Variants in DTD1 observed in about 807,000 individuals in gnomAD.
DTD1 encodes D-tyrosyl-tRNA deacylase 1 homolog.
In DTD1, 13 loss-of-function variants were observed where a neutral mutation model predicts 25.6. The ratio of observed to expected loss-of-function variants is 0.51; its 90% CI spans 0.33 to 0.81. The LOEUF is 0.81. Ranked by LOEUF, DTD1 falls within the 30% of genes least tolerant of loss-of-function variation. DTD1 has a pLI of 0.02. For missense variants in DTD1, 193 were observed against 266.4 expected (o/e 0.72, Z 1.92); for synonymous variants, 110 against 103.6 (o/e 1.06, Z -0.37).
intron 4 of DTD1, among the ~76,000 whole-genome samples, chr20:18,647,990 T>C (rs2060856482): frequency 6.6e-6 from 1 of 152,186 alleles, no homozygotes; most frequent in Admixed American, 6.5e-5. Flanking sequence ...TGAAAAGATC[T>C]CTTCTGTTCC....
intron 5 of DTD1, among the ~76,000 whole-genome samples, chr20:18,761,230 C>T (rs1286965385): frequency 1.3e-5 from 2 of 152,112 alleles, no homozygotes; most frequent in Non-Finnish European, 2.9e-5. Flanking sequence ...AGCTACTGTC[C>T]TGCATCCACT....
intron 4 of DTD1, among the ~76,000 whole-genome samples, chr20:18,682,265 C>G (rs1357532688): frequency 6.6e-6 from 1 of 152,186 alleles, no homozygotes; most frequent in African/African-American, 2.4e-5. Flanking sequence ...TCCATCAGGC[C>G]ACTACTCTGA....
chr20:18,676,340 G>A (rs1264139969), intron 4 of DTD1, among the ~76,000 whole-genome samples: 2 of 152,060 alleles, frequency 1.3e-5, no homozygotes, highest in East Asian at 3.8e-4. Flanking sequence ...CAATTTGGTA[G>A]AATAAAAAAA....
At chr20:18,678,913 A>G (rs899750709) in intron 4 of DTD1, 1 of 150,806 alleles carries the variant, frequency 6.6e-6, no homozygotes, top group Non-Finnish European at 1.5e-5. Flanking sequence ...CCTTCTCCTC[A>G]CTCTTCTGGG....
intron 4 of DTD1, among the ~76,000 whole-genome samples, chr20:18,655,757 CTTTTTCTT>C (rs1453057152): frequency 6.6e-6 from 1 of 152,064 alleles, no homozygotes; most frequent in African/African-American, 2.4e-5. Flanking sequence ...CATTTGTTTT[CTTTTTCTT>C]TTTTTCTTTT....
intron 4 of DTD1, among the ~76,000 whole-genome samples, chr20:18,739,016 A>C (rs112904744): frequency 1.3e-5 from 2 of 151,176 alleles, no homozygotes; most frequent in Admixed American, 6.6e-5. Flanking sequence ...CCTTAGGTGG[A>C]GCTTGTCCTC....
chr20:18,617,725 C>A (rs2060714549), intron 3 of DTD1, among the ~76,000 whole-genome samples: 1 of 150,844 alleles, frequency 6.6e-6, no homozygotes. Context: ...ATCCATCTAT[C>A]CATTTGCAAA....
chr20:18,589,017 G>A, intron 1 of DTD1: 1 of 439,268 alleles, frequency 2.3e-6, no homozygotes, highest in Non-Finnish European at 3.0e-6. Context: ...GAGCCAGTCT[G>A]CACCAAATAT....
intron 4 of DTD1, among the ~76,000 whole-genome samples, chr20:18,713,964 G>A (rs2061169925): frequency 6.6e-6 from 1 of 152,158 alleles, no homozygotes; most frequent in Admixed American, 6.5e-5. Flanking sequence ...CCAGAGCCTG[G>A]TCTGACCTGA....
chr20:18,675,684 T>C (rs1279088702), intron 4 of DTD1: 3 of 147,726 alleles, frequency 2.0e-5, no homozygotes, highest in Admixed American at 1.4e-4. Context: ...ATGGTTTTAG[T>C]CTTTTTTCTA....
intron 3 of DTD1, among the ~76,000 whole-genome samples, chr20:18,601,843 T>C (rs970577688): frequency 2.5e-4 from 38 of 151,536 alleles, no homozygotes; most frequent in African/African-American, 8.7e-4. Flanking sequence ...ACAGAAAAAC[T>C]GGAAACTCTA....
chr20:18,744,195 A>G lies in DTD1; in HGVS notation c.573A>G (p.Glu191=). ...SSKERNTPRK[E]DRSASSGAEG... is the part of the protein sequence containing the mutation. Reference sequence around the variant, plus strand: ...AGGAAAGAAACACTCCCCGAAAAGAAGACCGCAGTGCCAGCAGCGGGGCTG... The same window carrying G: ...AGGAAAGAAACACTCCCCGAAAAGAGGACCGCAGTGCCAGCAGCGGGGCTG... Residue 191 remains glutamate, a synonymous_variant, in exon 5 of 6, where the codon GAA becomes GAG. Coordinates refer to ENST00000377452, the MANE Select transcript of DTD1 (RefSeq NM_080820.6). The G allele has an allele frequency of 1.2e-6, 2 of 1,612,328 alleles. No homozygotes were observed. The highest frequency in any genetic ancestry group is 1.7e-6 in the Non-Finnish European group (2 of 1,180,030).
intron 1 of DTD1, 45 bp from the exon 2 acceptor site, chr20:18,593,686 C>A: frequency 6.9e-7 from 1 of 1,455,306 alleles, no homozygotes; most frequent in Non-Finnish European, 9.6e-7. Flanking sequence ...GCTTTATGAC[C>A]TTGTTTGGTT....
intron 4 of DTD1, among the ~76,000 whole-genome samples, chr20:18,706,312 G>A (rs1409039500): frequency 6.6e-6 from 1 of 152,156 alleles, no homozygotes; most frequent in Non-Finnish European, 1.5e-5. Flanking sequence ...GTTTGTTTGG[G>A]GGGATTGCTC....
intron 4 of DTD1, among the ~76,000 whole-genome samples, chr20:18,662,780 TA>T (rs1232121356): frequency 1.3e-5 from 2 of 152,068 alleles, no homozygotes; most frequent in African/African-American, 2.4e-5. Context: ...TCCTTTTAAA[TA>T]GATATAAAAC....
intron 5 of DTD1, among the ~76,000 whole-genome samples, chr20:18,760,259 T>G (rs566554897): frequency 6.6e-6 from 1 of 152,338 alleles, no homozygotes; most frequent in Admixed American, 6.5e-5. Flanking sequence ...TCTGTCCAGC[T>G]TTGTTCCATT....
chr20:18,744,622 G>T (rs2061292778), intron 5 of DTD1, among the ~76,000 whole-genome samples: 1 of 111,276 alleles, frequency 9.0e-6, no homozygotes, highest in Non-Finnish European at 1.7e-5. Flanking sequence ...TGGTGACAGA[G>T]CAAGACTCCA....
chr20:18,622,765 T>G (rs1241608019), intron 3 of DTD1, among the ~76,000 whole-genome samples: 2 of 152,154 alleles, frequency 1.3e-5, no homozygotes, highest in African/African-American at 4.8e-5. Flanking sequence ...TGGACCAATT[T>G]AAATCACATA....
chr20:18,601,686 T>C (rs2043410803), intron 3 of DTD1, among the ~76,000 whole-genome samples: 1 of 151,396 alleles, frequency 6.6e-6, no homozygotes, highest in Admixed American at 6.6e-5. Context: ...CACGGCAGGG[T>C]ATTCCAACAG....
Sources: gnomAD v4.1 joint callset for allele counts (sites outside exome capture counted in the v4.1 genomes callset) on GRCh38, gnomAD v4.1.1 for gene constraint, MANE v1.5 for transcripts, NCBI Gene and HGNC (gene_info 2026-07-23, HGNC 2026-07-21) for gene names.